Variants in CACNA1A observed in about 807,000 individuals in gnomAD.
CACNA1A encodes voltage-dependent P/Q-type calcium channel subunit alpha-1A.
CACNA1A carries 57 observed loss-of-function variants against 262.4 expected under a neutral mutation model. That is an observed-to-expected ratio of 0.22 (90% confidence interval 0.18 to 0.27). The LOEUF is 0.27. Among genes scored for constraint, CACNA1A ranks in the 10% least tolerant of loss-of-function variants. CACNA1A has a pLI of 1.00. For synonymous variants in CACNA1A, 1,431 were observed against 1,419.3 expected, an observed-to-expected ratio of 1.01 and a Z score of -0.18; for missense variants, 2,526 against 3,562.8, an observed-to-expected ratio of 0.71 and a Z score of 7.41.
chr19:13,231,478 T>C (rs535648929), intron 35 of CACNA1A, among the ~76,000 whole-genome samples: 1 of 152,040 alleles, frequency 6.6e-6, no homozygotes, highest in East Asian at 1.9e-4. Context: ...AGGACAGGGA[T>C]GCTGCCATAC....
chr19:13,247,963 A>T (rs2056294193), intron 30 of CACNA1A, among the ~76,000 whole-genome samples: 1 of 152,060 alleles, frequency 6.6e-6, no homozygotes, highest in Non-Finnish European at 1.5e-5. Flanking sequence ...GTGAGGTGGG[A>T]TGACTCTGTG....
At chr19:13,255,705 T>TTCCCTCCCTCCCTCCTC (rs2056533333) in intron 28 of CACNA1A, among the ~76,000 whole-genome samples, 2 of 31,850 alleles carry the variant, frequency 6.3e-5, no homozygotes, top group Non-Finnish European at 1.3e-4. Flanking sequence ...CCCTCCTTCC[T>TTCCCTCCCTCCCTCCTC]TCCCTCCCTC....
In CACNA1A at chr19:13,492,437, G is replaced by C. The variant is rs1422760388; in HGVS notation, c.293+13495C>G. 3.9e-5 allele frequency among the ~76,000 whole-genome samples: 6 copies of C among 152,300 alleles called. 1 individual carries two copies. The highest frequency in any genetic ancestry group is 3.9e-4 in the Admixed American group (6 of 15,292). On this transcript the variant is annotated intron_variant, in intron 1 of 46. Transcript: ENST00000360228. ...TGATTGGGCCACGTCGTCAGGGAAA[G>C]GGGACCTTGGAATTTGAAAGGGCAC...
chr19:13,326,736 C>A (rs115621690), intron 10 of CACNA1A, among the ~76,000 whole-genome samples: 5,725 of 148,508 alleles, frequency 0.039, 361 homozygotes, highest in African/African-American at 0.13. Flanking sequence ...CTGCAGTGAG[C>A]TATGCCTGCA....
At position 13,210,629 on chromosome 19, in the gene CACNA1A, C is replaced by T; in HGVS notation, c.6327G>A (p.Gly2109=). The T allele has an allele frequency of 3.8e-6, 6 of 1,564,866 alleles. No homozygotes were observed. The highest frequency in any genetic ancestry group is 5.2e-6 in the Non-Finnish European group (6 of 1,156,102). ...GCGCGGTACATACACTGAGGTTATT[C>T]CCACGTGGCCGGCCCCTTCTCCTCT... The part of the protein sequence containing the change: ...ENQRRRGRPR[G]NNLSTISDTS... Residue 2109 remains glycine (G), a synonymous_variant, in exon 44 of 47, where the codon GGG becomes GGA. Transcript: ENST00000360228.
At chr19:13,228,605 G>GAA (rs1491533645) in intron 36 of CACNA1A, 30 of 90,788 alleles carry the variant, frequency 3.3e-4, no homozygotes, top group Non-Finnish European at 5.5e-4. Flanking sequence ...GAGAGAGAGA[G>GAA]ATATATATAT....
intron 3 of CACNA1A, among the ~76,000 whole-genome samples, chr19:13,398,634 G>T (rs2059848290): frequency 6.6e-6 from 1 of 152,208 alleles, no homozygotes; most frequent in African/African-American, 2.4e-5. Flanking sequence ...AAAGGGTTGG[G>T]TTTATATCCT....
rs80006349 is a variant in CACNA1A at position 13,350,215 on chromosome 19, A to G, written c.978+9391T>C. On this transcript the variant is annotated intron_variant, in intron 6 of 46. Coordinates refer to ENST00000360228, the MANE Select transcript of CACNA1A (RefSeq NM_001127222.2). Reference sequence around the variant, plus strand: ...TCTGAGAGGCCTGGCCTCCTAGAGCAGAGCCTCTCAACCTCAGTACTACTG... The same window carrying G: ...TCTGAGAGGCCTGGCCTCCTAGAGCGGAGCCTCTCAACCTCAGTACTACTG... Among the ~76,000 whole-genome samples the G allele has an allele frequency of 4.5e-3, 679 of 152,296 alleles. 3 individuals carry two copies. The highest frequency in any genetic ancestry group is 0.016 in the African/African-American group (646 of 41,568).
intron 1 of CACNA1A, among the ~76,000 whole-genome samples, chr19:13,491,413 A>T (rs1980866756): frequency 6.6e-6 from 1 of 152,128 alleles, no homozygotes; most frequent in Non-Finnish European, 1.5e-5. Flanking sequence ...TTCACCACAA[A>T]GCAGAGAGTT....
At chr19:13,250,521 C>A (rs927677037) in intron 30 of CACNA1A, among the ~76,000 whole-genome samples, 2 of 152,092 alleles carry the variant, frequency 1.3e-5, no homozygotes, top group Admixed American at 6.6e-5. Flanking sequence ...CTCAGCCTCC[C>A]GAGTAGCTGA....
Position 13,212,763 on chromosome 19 carries a change from G to A in CACNA1A, c.5941-23C>T. 1 of 1,373,960 alleles carries A rather than the reference G, an allele frequency of 7.3e-7. No individual in the cohort carries two copies. Among genetic ancestry groups the A allele is most frequent in the Non-Finnish European group, 9.8e-7 (1 of 1,019,486 alleles). The allele number at this position is 1,373,960 out of a possible 1,614,324, so 85.1% of individuals were successfully genotyped here. The stretch of plus-strand genomic sequence containing the variant: ...GTCCTGGGGAATGGGGCAGAGAGCA[G>A]TGTGTGGACAAGGGTGGGGTGGTGG... On this transcript the variant is annotated intron_variant, in intron 40 of 46. Coordinates refer to ENST00000360228, the MANE Select transcript of CACNA1A (RefSeq NM_001127222.2). This position sits in a 1 kb window ranked among gnomAD's most constrained non-coding sequence, Gnocchi z 5.6.
Position 13,207,074 on chromosome 19 carries a change from G to C in CACNA1A, c.*239C>G. 8.0e-6 allele frequency: 3 copies of C among 374,384 alleles called. No individual in the cohort carries two copies. The highest frequency in any genetic ancestry group is 1.4e-5 in the Non-Finnish European group (3 of 207,676). 23.2% of individuals were successfully genotyped at this position (374,384 alleles called of 1,614,324 possible). A position where few individuals can be genotyped will look rare whatever the true frequency, so the allele number is the denominator to read the frequency against. ...CTCCCACCCGAGAGCCCCTGTCGTG[G>C]GTGGGGGGATCGGGGCTGGTTGGGG... On this transcript the variant is annotated 3_prime_UTR_variant, in exon 47 of 47. Transcript: ENST00000360228. The surrounding 1 kb of genome is among the most constrained non-coding windows in gnomAD (Gnocchi z 5.7).
chr19:13,410,034 T>C (rs2060082271), intron 3 of CACNA1A, among the ~76,000 whole-genome samples: 1 of 152,140 alleles, frequency 6.6e-6, no homozygotes, highest in South Asian at 2.1e-4. Flanking sequence ...TATGCCCATA[T>C]AGTGCATTTT....
chr19:13,316,910 C>T (rs181068989), intron 11 of CACNA1A: 21 of 444,624 alleles, frequency 4.7e-5, no homozygotes, highest in African/African-American at 3.9e-4. Flanking sequence ...CAGCTTCCAG[C>T]TCTCAGGTCT....
At chr19:13,295,519 A>G (rs1600264363) in intron 19 of CACNA1A, among the ~76,000 whole-genome samples, 1 of 140,134 alleles carries the variant, frequency 7.1e-6, no homozygotes, top group African/African-American at 2.7e-5. Context: ...TGAGACAAGG[A>G]CTTGTTCTGT....
At chr19:13,377,063 G>A (rs558199114) in intron 3 of CACNA1A, among the ~76,000 whole-genome samples, 9 of 151,906 alleles carry the variant, frequency 5.9e-5, no homozygotes, top group South Asian at 4.2e-4. Context: ...AGGTTCAAGC[G>A]ATTCTCCTGC....
intron 3 of CACNA1A, among the ~76,000 whole-genome samples, chr19:13,397,604 G>A (rs2059830925): frequency 6.6e-6 from 1 of 151,700 alleles, no homozygotes; most frequent in African/African-American, 2.4e-5. Context: ...GCGCCGCCAT[G>A]TACGCTCTGG....
At position 13,505,857 on chromosome 19, in the gene CACNA1A, T is replaced by C. The variant is rs148410356; in HGVS notation, c.293+75A>G. The C allele has an allele frequency of 6.7e-6, 10 of 1,491,614 alleles. No homozygotes were observed. In the East Asian group the frequency reaches 2.4e-4, roughly 36 times the overall value. The allele number at this position is 1,491,614 out of a possible 1,614,324, so 92.4% of individuals were successfully genotyped here. On this transcript the variant is annotated intron_variant, in intron 1 of 46. Transcript: ENST00000360228. ...CCTCCCATCAACCCCCGGGTCTCTC[T>C]CCCAGCCTGGAAGAGGGGAGGCGGA... is the stretch of plus-strand genomic sequence containing the variant.
chr19:13,490,748 G>T (rs1270372302), intron 1 of CACNA1A, among the ~76,000 whole-genome samples: 1 of 140,440 alleles, frequency 7.1e-6, no homozygotes, highest in African/African-American at 2.7e-5. Flanking sequence ...AAGAAAGAAA[G>T]AAAAGAAGGA....
Sources: gnomAD v4.1 joint callset for allele counts (sites outside exome capture counted in the v4.1 genomes callset) on GRCh38, gnomAD v4.1.1 for gene constraint, Gnocchi (gnomAD v3.1) non-coding constraint, MANE v1.5 for transcripts, NCBI Gene and HGNC (gene_info 2026-07-23, HGNC 2026-07-21) for gene names.